Variants in DLGAP2 observed in about 807,000 individuals in gnomAD.
DLGAP2 encodes DLG associated protein 2, also known as disks large-associated protein 2.
In DLGAP2, 26 loss-of-function variants were observed where a neutral mutation model predicts 100.3. The observed-to-expected ratio is 0.26, with a 90% CI of 0.19 to 0.36. The LOEUF (loss-of-function observed/expected upper bound fraction) is 0.36. DLGAP2 is among the 10% of genes least tolerant of loss of function. DLGAP2 has a pLI of 1.00. For missense variants in DLGAP2, 1,858 were observed against 1,453.2 expected (o/e 1.28, Z -4.53); for synonymous variants, 886 against 630.1 (o/e 1.41, Z -6.08).
At chr8:966,296 T>G (rs1170950306) in intron 2 of DLGAP2, among the ~76,000 whole-genome samples, 1 of 152,222 alleles carries the variant, frequency 6.6e-6, no homozygotes, top group African/African-American at 2.4e-5. Context: ...GCTTCATGAA[T>G]GTAACTTTGA....
intron 3 of DLGAP2, among the ~76,000 whole-genome samples, chr8:1,421,385 C>A (rs1000277703): frequency 6.6e-6 from 1 of 152,124 alleles, no homozygotes; most frequent in African/African-American, 2.4e-5. Flanking sequence ...GTTCATCAAT[C>A]AACATCCCAT....
intron 3 of DLGAP2, among the ~76,000 whole-genome samples, chr8:1,353,576 A>G (rs1400950385): frequency 1.3e-5 from 2 of 152,184 alleles, no homozygotes; most frequent in African/African-American, 4.8e-5. Flanking sequence ...TTTGACTTAC[A>G]ATGCTTTCCA....
At chr8:1,425,120 A>G (rs958109500) in intron 3 of DLGAP2, among the ~76,000 whole-genome samples, 9 of 152,232 alleles carry the variant, frequency 5.9e-5, no homozygotes, top group African/African-American at 1.7e-4. Flanking sequence ...GTAGTTTTTA[A>G]AATTATATTT....
chr8:1,019,417 C>T (rs1279723672), intron 2 of DLGAP2: 3 of 151,998 alleles, frequency 2.0e-5, no homozygotes, highest in South Asian at 4.2e-4. Flanking sequence ...CACCGAGAAT[C>T]GCACATAGAA....
chr8:1,436,124 C>T (rs960451537), intron 3 of DLGAP2, among the ~76,000 whole-genome samples: 1 of 152,110 alleles, frequency 6.6e-6, no homozygotes, highest in African/African-American at 2.4e-5. Flanking sequence ...GGAGAATTGA[C>T]TCACAACCAC....
At chr8:1,491,779 C>G (rs1046912992) in intron 3 of DLGAP2, among the ~76,000 whole-genome samples, 1 of 152,230 alleles carries the variant, frequency 6.6e-6, no homozygotes, top group Non-Finnish European at 1.5e-5. Context: ...CTTTCTACTT[C>G]AGCACTTTTT....
intron 2 of DLGAP2, among the ~76,000 whole-genome samples, chr8:963,663 C>G (rs992158099): frequency 1.3e-5 from 2 of 151,128 alleles, no homozygotes; most frequent in Non-Finnish European, 1.5e-5. Context: ...CCCCCAGGAC[C>G]TACTCTTGCT....
chr8:1,337,846 G>A (rs1367162181), intron 3 of DLGAP2, among the ~76,000 whole-genome samples: 1 of 152,170 alleles, frequency 6.6e-6, no homozygotes, highest in Non-Finnish European at 1.5e-5. Flanking sequence ...CCAATTCAGT[G>A]AAAAAGACCA....
intron 9 of DLGAP2, among the ~76,000 whole-genome samples, chr8:1,668,960 C>T (rs1026652709): frequency 6.6e-5 from 10 of 152,166 alleles, no homozygotes; most frequent in African/African-American, 2.2e-4. Flanking sequence ...ACACTCCGGG[C>T]CACTTGTTTT....
intron 8 of DLGAP2, among the ~76,000 whole-genome samples, chr8:1,667,103 T>A (rs1798563353): frequency 6.6e-6 from 1 of 152,210 alleles, no homozygotes; most frequent in Non-Finnish European, 1.5e-5. Flanking sequence ...CTTTGCACTC[T>A]GATGAGGGGA....
chr8:919,468 C>A (rs952221094), intron 2 of DLGAP2, among the ~76,000 whole-genome samples: 5 of 152,044 alleles, frequency 3.3e-5, no homozygotes, highest in African/African-American at 4.8e-5. Flanking sequence ...TGAGCTCCCC[C>A]ACTGCTGATG....
At chr8:1,314,864 T>C (rs1800694170) in intron 3 of DLGAP2, among the ~76,000 whole-genome samples, 1 of 152,370 alleles carries the variant, frequency 6.6e-6, no homozygotes, top group East Asian at 1.9e-4. Context: ...TGAATTTCCA[T>C]GGGTAAATCC....
chr8:1,382,312 A>T (rs1433183980), intron 3 of DLGAP2, among the ~76,000 whole-genome samples: 1 of 152,240 alleles, frequency 6.6e-6, no homozygotes, highest in East Asian at 1.9e-4. Flanking sequence ...GAGTGGGCTC[A>T]GGAGGAGAAG....
intron 3 of DLGAP2, among the ~76,000 whole-genome samples, chr8:1,426,096 G>T (rs1423568664): frequency 2.6e-5 from 4 of 152,188 alleles, no homozygotes; most frequent in Non-Finnish European, 5.9e-5. Flanking sequence ...GAAAGCGTCA[G>T]GGTAGGGCAA....
At chr8:967,782 T>C (rs1393135942) in intron 2 of DLGAP2, among the ~76,000 whole-genome samples, 4 of 91,154 alleles carry the variant, frequency 4.4e-5, no homozygotes, top group East Asian at 4.1e-4. Flanking sequence ...TATATATGTA[T>C]ATATATATAT....
chr8:1,179,414 C>A (rs967481027), intron 2 of DLGAP2, among the ~76,000 whole-genome samples: 3 of 152,216 alleles, frequency 2.0e-5, no homozygotes, highest in Admixed American at 2.0e-4. Flanking sequence ...ACTTGTGCTG[C>A]CAGCTTTCTG....
intron 2 of DLGAP2, among the ~76,000 whole-genome samples, chr8:1,251,569 G>T (rs1799040808): frequency 6.6e-6 from 1 of 152,172 alleles, no homozygotes; most frequent in Admixed American, 6.5e-5. Flanking sequence ...AGAGTGCTGG[G>T]ATTACACGTG....
At chr8:1,055,522 T>C (rs1430915912) in intron 2 of DLGAP2, among the ~76,000 whole-genome samples, 2 of 152,228 alleles carry the variant, frequency 1.3e-5, no homozygotes, top group South Asian at 2.1e-4. Flanking sequence ...TTATCACTTA[T>C]AAGAGATTTT....
At chr8:1,505,149 A>AT (rs1360414413) in intron 4 of DLGAP2, among the ~76,000 whole-genome samples, 2 of 152,188 alleles carry the variant, frequency 1.3e-5, no homozygotes, top group Admixed American at 6.5e-5. Context: ...TCATCTTTAA[A>AT]TTGAGAGGGT....
Sources: gnomAD v4.1 joint callset for allele counts (sites outside exome capture counted in the v4.1 genomes callset) on GRCh38, gnomAD v4.1.1 for gene constraint, MANE v1.5 for transcripts, NCBI Gene and HGNC (gene_info 2026-07-23, HGNC 2026-07-21) for gene names.